Variants in CWC25 observed in about 807,000 individuals in gnomAD.
The protein encoded by CWC25 is pre-mRNA-splicing factor CWC25 homolog.
A neutral mutation model predicts 54.6 loss-of-function variants in CWC25; 31 were observed. That is an observed-to-expected ratio of 0.57 (90% confidence interval 0.43 to 0.77). The LOEUF (loss-of-function observed/expected upper bound fraction) is 0.77. CWC25 is among the 30% of genes least tolerant of loss of function. CWC25 has a pLI of 0.00. For synonymous variants in CWC25, 151 were observed against 187.0 expected, an observed-to-expected ratio of 0.81 and a Z score of 1.57; for missense variants, 453 against 529.3, an observed-to-expected ratio of 0.86 and a Z score of 1.41.
chr17:38,801,167 A>G lies in CWC25; in HGVS notation c.*925T>C, dbSNP rs1330971101. 2 of 152,116 alleles carry G rather than the reference A, an allele frequency of 1.3e-5. No individual in the cohort carries two copies. The highest frequency in any genetic ancestry group is 3.8e-4 in the East Asian group (2 of 5,198). 9.4% of individuals were successfully genotyped at this position (152,116 alleles called of 1,614,324 possible). A position where few individuals can be genotyped will look rare whatever the true frequency, so the allele number is the denominator to read the frequency against. ...AATCTGTAATTGTAGTAAGGTTACT[A>G]CACGGTAAGAAGTGAAGCCGCAAAA... is the stretch of plus-strand genomic sequence containing the variant. On this transcript the variant is annotated 3_prime_UTR_variant, in exon 10 of 10. Coordinates refer to ENST00000614790, the MANE Select transcript of CWC25 (RefSeq NM_017748.5).
At chr17:38,823,855 C>T (rs1361676450) in intron 1 of CWC25, among the ~76,000 whole-genome samples, 4 of 152,202 alleles carry the variant, frequency 2.6e-5, no homozygotes, top group Non-Finnish European at 5.9e-5. Context: ...TAGTGGATAG[C>T]TCCAGTCTAG....
intron 1 of CWC25, among the ~76,000 whole-genome samples, chr17:38,824,954 T>A (rs1034887571): frequency 1.3e-5 from 2 of 152,136 alleles, no homozygotes; most frequent in Non-Finnish European, 2.9e-5. Flanking sequence ...AAACACCACC[T>A]GTCACTGTTC....
At chr17:38,812,325 C>A (rs1911524507) in intron 4 of CWC25, among the ~76,000 whole-genome samples, 1 of 152,158 alleles carries the variant, frequency 6.6e-6, no homozygotes, top group African/African-American at 2.4e-5. Context: ...AGCCCACACT[C>A]TTCTTCTGGA....
Position 38,820,968 on chromosome 17 carries a change from G to C in CWC25, c.124C>G (p.Arg42Gly). The C allele has an allele frequency of 6.2e-7, 1 of 1,613,904 alleles. No individual in the cohort carries two copies. The highest frequency in any genetic ancestry group is 8.5e-7 in the Non-Finnish European group (1 of 1,179,874). ...AERKKIEELQ[R>G]ELREERAREE... ...CGGGCTCTCTCTTCTCGCAGCTCCC[G>C]CTGAAGCTCCTCAATCTTCTTCCGC... is the stretch of plus-strand genomic sequence containing the variant. Residue 42 changes from arginine to glycine, a missense_variant, in exon 2 of 10, where the codon CGG (arginine) becomes GGG (glycine). By Grantham distance (125) the Arg-to-Gly change is moderately radical. Transcript: ENST00000614790.
rs531868062 is a variant in CWC25 at position 38,807,184 on chromosome 17, G to A, written c.691-208C>T. Among the ~76,000 whole-genome samples, 57 of 151,580 alleles carry A rather than the reference G, an allele frequency of 3.8e-4. 1 individual carries two copies. In the East Asian group the frequency reaches 9.4e-3, roughly 25 times the overall value. On this transcript the variant is annotated intron_variant, in intron 6 of 9. Coordinates refer to ENST00000614790, the MANE Select transcript of CWC25 (RefSeq NM_017748.5). Reference sequence around the variant, plus strand: ...CTGAAAATTAAAAAATTAGCTGGGCGTGGTGGTGGGCACCTGTAATCCCAG... The same window carrying A: ...CTGAAAATTAAAAAATTAGCTGGGCATGGTGGTGGGCACCTGTAATCCCAG...
intron 2 of CWC25, among the ~76,000 whole-genome samples, chr17:38,818,019 T>C (rs1911771912): frequency 6.6e-6 from 1 of 151,828 alleles, no homozygotes; most frequent in African/African-American, 2.4e-5. Context: ...GGCTCACGCC[T>C]GTAATCCTAG....
intron 4 of CWC25, among the ~76,000 whole-genome samples, chr17:38,812,488 G>A (rs921751940): frequency 4.6e-5 from 7 of 152,232 alleles, no homozygotes; most frequent in Admixed American, 3.3e-4. Context: ...TTAGCCGGGC[G>A]TGGTGGCACA....
At chr17:38,809,082 C>CA (rs1402224890) in intron 6 of CWC25, among the ~76,000 whole-genome samples, 2,586 of 120,008 alleles carry the variant, frequency 0.022, 39 homozygotes, top group South Asian at 0.043. Context: ...CACTGCTACT[C>CA]AAAAAAAAAA....
At chr17:38,816,975 C>A (rs2143588807) in intron 2 of CWC25, among the ~76,000 whole-genome samples, 1 of 147,062 alleles carries the variant, frequency 6.8e-6, no homozygotes, top group South Asian at 2.1e-4. Flanking sequence ...AGCAACCGTG[C>A]CTGGCCCCAA....
In CWC25 at chr17:38,802,819, C is replaced by A. The variant is rs749374499; in HGVS notation, c.1044G>T (p.Met348Ile). ...CCTCCCTCCATTTGGCGTTTTCCAT[C>A]ATCTCTTGCCGTTTTCGCTCTAATT... The part of the protein sequence containing the change: ...AEELERKRQE[M>I]MENAKWREEE... Residue 348 changes from methionine to isoleucine, a missense_variant, in exon 9 of 10, where the codon ATG (methionine) becomes ATT (isoleucine). This residue lies in a region of CWC25 where 444 missense variants were observed against 499.2 expected (regional missense o/e 0.89). Coordinates refer to ENST00000614790, the MANE Select transcript of CWC25 (RefSeq NM_017748.5). 3.7e-6 allele frequency: 6 copies of A among 1,613,918 alleles called. No homozygotes were observed. In the South Asian group the frequency reaches 5.5e-5, roughly 15 times the overall value.
In CWC25 at chr17:38,808,039, G is replaced by A. The variant is rs1404920172; in HGVS notation, c.691-1063C>T. ...CCACTGCATTCCAGCCTAGGCGACA[G>A]AGTGAGACTCCATCTCAAAAAAAAA... is the stretch of plus-strand genomic sequence containing the variant. On this transcript the variant is annotated intron_variant, in intron 6 of 9. Coordinates refer to ENST00000614790, the MANE Select transcript of CWC25 (RefSeq NM_017748.5). Among the ~76,000 whole-genome samples the A allele has an allele frequency of 2.5e-5, 3 of 120,502 alleles. 1 individual carries two copies. Among genetic ancestry groups the A allele is most frequent in the Non-Finnish European group, 5.2e-5 (3 of 57,514 alleles). 79.1% of individuals were successfully genotyped at this position (120,502 alleles called of 152,430 possible).
chr17:38,802,640 C>G, intron 9 of CWC25, 60 bp downstream of exon 9: 1 of 1,580,126 alleles, frequency 6.3e-7, no homozygotes, highest in Non-Finnish European at 8.6e-7. Context: ...GAACCAGCTG[C>G]CAGCCTGCCT....
rs56382375 is a variant in CWC25, at chr17:38,818,588, CAAAAAAAAAAAA to C, written c.191+2301_191+2312del. On this transcript the variant is annotated intron_variant, in intron 2 of 9. Coordinates refer to ENST00000614790, the MANE Select transcript of CWC25 (RefSeq NM_017748.5). ...TGGACAACAGAGCGAGACTCCATCT[CAAAAAAAAAAAA>C]AAAAAAAAAAAAAAGAACTATACAA... Among the ~76,000 whole-genome samples the C allele has an allele frequency of 3.6e-3, 173 of 48,518 alleles. 1 individual carries two copies. The East Asian group carries it at 0.079, about 22-fold the overall frequency. 31.8% of individuals were successfully genotyped at this position (48,518 alleles called of 152,430 possible). A position where few individuals can be genotyped will look rare whatever the true frequency, so the allele number is the denominator to read the frequency against.
At chr17:38,814,599 A>G (rs554088538) in intron 3 of CWC25, among the ~76,000 whole-genome samples, 1 of 151,304 alleles carries the variant, frequency 6.6e-6, no homozygotes, top group African/African-American at 2.4e-5. Context: ...AACAAAAATT[A>G]GCCAGGCGTG....
chr17:38,806,596 A>G lies in CWC25; in HGVS notation c.902+169T>C, dbSNP rs964998058. ...TACACCTACAGATATGTGGCTTTGG[A>G]TGCCTGAGCTTTACATTGAGGTGGA... On this transcript the variant is annotated intron_variant, in intron 7 of 9. Transcript: ENST00000614790. 1.1e-5 allele frequency: 8 copies of G among 745,916 alleles called. No homozygotes were observed. In the African/African-American group the frequency reaches 1.2e-4, roughly 12 times the overall value. 46.2% of individuals were successfully genotyped at this position (745,916 alleles called of 1,614,324 possible).
At chr17:38,811,629 C>T (rs1488434186) in intron 4 of CWC25, among the ~76,000 whole-genome samples, 2 of 151,996 alleles carry the variant, frequency 1.3e-5, no homozygotes, top group Non-Finnish European at 2.9e-5. Flanking sequence ...TGACTCCATG[C>T]CTCTGGGTCT....
intron 8 of CWC25, 79 bp from the exon 9 acceptor site, chr17:38,802,940 G>GT (rs1911090708): frequency 6.4e-7 from 1 of 1,552,390 alleles, no homozygotes; most frequent in African/African-American, 1.4e-5. Flanking sequence ...CAGAAGCCAG[G>GT]TGGGACCCCA....
Position 38,814,941 on chromosome 17 carries a change from GCCTGGGAGAAGT to G in CWC25, c.336_347del (p.Leu113_Gly116del). 1 of 1,613,726 alleles carries G rather than the reference GCCTGGGAGAAGT, an allele frequency of 6.2e-7. No individual in the cohort carries two copies. The highest frequency in any genetic ancestry group is 8.5e-7 in the Non-Finnish European group (1 of 1,179,868). The stretch of plus-strand genomic sequence containing the variant: ...TGGCACCTGATGGGGCAAAGATAGA[GCCTGGGAGAAGT>G]CCTGTTTCAGAAGAGCAGCCTGCCT... On this transcript the variant is annotated inframe_deletion, in exon 3 of 10. Coordinates refer to ENST00000614790, the MANE Select transcript of CWC25 (RefSeq NM_017748.5).
intron 1 of CWC25, among the ~76,000 whole-genome samples, chr17:38,821,994 G>A (rs901976665): frequency 2.0e-5 from 3 of 150,534 alleles, no homozygotes; most frequent in African/African-American, 7.3e-5. Context: ...GGTCTCAAAC[G>A]CCTGACCTCA....
Sources: allele counts gnomAD v4.1 joint callset (sites outside exome capture counted in the v4.1 genomes callset), GRCh38; gene constraint gnomAD v4.1.1; regional missense constraint gnomAD v4.1.1; transcripts MANE v1.5; gene names NCBI Gene and HGNC (gene_info 2026-07-23, HGNC 2026-07-21).